The following MAF variants were observed in gnomAD, a reference collection of about 807,000 sequenced individuals.
The protein encoded by MAF is transcription factor Maf.
A neutral mutation model predicts 22.0 loss-of-function variants in MAF; 10 were observed. The observed-to-expected ratio is 0.45, with a 90% CI of 0.28 to 0.77. The LOEUF (loss-of-function observed/expected upper bound fraction) is 0.77, where lower values mean the gene tolerates loss of function less well. MAF is among the 30% of genes least tolerant of loss of function. The pLI is 0.12. For missense variants in MAF, 544 were observed against 548.4 expected (o/e 0.99, Z 0.08); for synonymous variants, 337 against 255.8 (o/e 1.32, Z -3.03).
the MAF span, among the ~76,000 whole-genome samples, chr16:79,262,678 T>C: frequency 6.6e-6 from 1 of 152,124 alleles, no homozygotes; most frequent in Non-Finnish European, 1.5e-5. Flanking sequence ...CAGTTCCTTC[T>C]GTAAGAGCAG....
chr16:79,223,789 A>C, the MAF span, among the ~76,000 whole-genome samples: 1 of 152,094 alleles, frequency 6.6e-6, no homozygotes, highest in Non-Finnish European at 1.5e-5. Flanking sequence ...GGACATATAC[A>C]CCCTCCCAAG....
the MAF span, among the ~76,000 whole-genome samples, chr16:79,360,507 A>G: frequency 6.6e-6 from 1 of 152,316 alleles, no homozygotes; most frequent in Non-Finnish European, 1.5e-5. Context: ...GCAGGTGATG[A>G]CACTACCTGT....
the MAF span, among the ~76,000 whole-genome samples, chr16:79,336,360 T>G: frequency 1.3e-5 from 2 of 152,202 alleles, no homozygotes; most frequent in African/African-American, 4.8e-5. Flanking sequence ...TTTAAGCAAC[T>G]TGCCCAAGGT....
the MAF span, among the ~76,000 whole-genome samples, chr16:79,500,786 A>C: frequency 2.6e-5 from 4 of 152,138 alleles, no homozygotes; most frequent in African/African-American, 4.8e-5. Flanking sequence ...TTCCTGCTGG[A>C]AACTTTGGGA....
At chr16:79,381,785 G>A in the MAF span, among the ~76,000 whole-genome samples, 1 of 152,196 alleles carries the variant, frequency 6.6e-6, no homozygotes, top group Non-Finnish European at 1.5e-5. Context: ...GACGGAGGTT[G>A]CCTTGGAGAA....
At chr16:79,506,820 T>G in the MAF span, among the ~76,000 whole-genome samples, 1 of 152,084 alleles carries the variant, frequency 6.6e-6, no homozygotes, top group Non-Finnish European at 1.5e-5. Context: ...AGACTCAAGA[T>G]GGGGCCAGGT....
At chr16:79,380,890 A>T in the MAF span, among the ~76,000 whole-genome samples, 2 of 152,252 alleles carry the variant, frequency 1.3e-5, no homozygotes, top group African/African-American at 4.8e-5. Context: ...GTTGTCTGCC[A>T]AATCTGGGAT....
chr16:79,520,286 T>C, the MAF span, among the ~76,000 whole-genome samples: 1 of 152,144 alleles, frequency 6.6e-6, no homozygotes, highest in African/African-American at 2.4e-5. Flanking sequence ...AGTAAAATGG[T>C]GAAGTTCTCA....
the MAF span, among the ~76,000 whole-genome samples, chr16:79,406,317 G>A: frequency 2.6e-5 from 4 of 152,180 alleles, no homozygotes; most frequent in Admixed American, 6.5e-5. Context: ...GGATTCACAT[G>A]GTTTCTTAGT....
At chr16:79,424,336 A>G in the MAF span, among the ~76,000 whole-genome samples, 2 of 152,220 alleles carry the variant, frequency 1.3e-5, no homozygotes, top group South Asian at 4.1e-4. Flanking sequence ...TTCGAATTCA[A>G]TACCACCGGC....
At chr16:79,518,876 G>C in the MAF span, among the ~76,000 whole-genome samples, 1 of 152,114 alleles carries the variant, frequency 6.6e-6, no homozygotes, top group African/African-American at 2.4e-5. Context: ...CATGAGCCAA[G>C]ATCATGCCAC....
Position 79,594,983 on chromosome 16 carries a change from A to G in MAF, c.1119-430T>C. 4.6e-6 allele frequency: 5 copies of G among 1,079,164 alleles called. No homozygotes were observed. In the South Asian group the frequency reaches 2.0e-4, roughly 44 times the overall value. The allele number at this position is 1,079,164 out of a possible 1,614,324, so 66.8% of individuals were successfully genotyped here. On this transcript the variant is annotated intron_variant, in intron 1 of 1. Coordinates refer to ENST00000326043, the MANE Select transcript of MAF (RefSeq NM_005360.5). ...CAATCCAGGCCTCATTTGTCATGAG[A>G]TAACTGCAATAACTACATCCAGAAT... is the stretch of plus-strand genomic sequence containing the variant.
chr16:79,426,632 A>G, the MAF span, among the ~76,000 whole-genome samples: 101,858 of 152,084 alleles, frequency 0.67, 35,144 homozygotes, highest in East Asian at 0.92. Context: ...GATTCCCCGA[A>G]CCAACATTGG....
chr16:79,216,972 G>C, the MAF span, among the ~76,000 whole-genome samples: 1 of 152,176 alleles, frequency 6.6e-6, no homozygotes, highest in Admixed American at 6.5e-5. Context: ...ACCATGCCTG[G>C]CTAATTTTTG....
At chr16:79,271,754 C>A in the MAF span, among the ~76,000 whole-genome samples, 4 of 152,238 alleles carry the variant, frequency 2.6e-5, no homozygotes, top group African/African-American at 9.6e-5. Context: ...CTTGAGACAT[C>A]TATCCAGGTT....
the MAF span, among the ~76,000 whole-genome samples, chr16:79,468,590 C>G: frequency 3.3e-5 from 5 of 152,224 alleles, no homozygotes; most frequent in Non-Finnish European, 7.3e-5. Context: ...CAGGGCAAAC[C>G]TGGCCTTAAC....
At chr16:79,277,866 T>G in the MAF span, among the ~76,000 whole-genome samples, 1 of 152,296 alleles carries the variant, frequency 6.6e-6, no homozygotes, top group African/African-American at 2.4e-5. Flanking sequence ...AGGCATTATA[T>G]CTGTGCCTCC....
chr16:79,250,784 T>C, the MAF span, among the ~76,000 whole-genome samples: 3 of 152,356 alleles, frequency 2.0e-5, no homozygotes, highest in South Asian at 6.2e-4. Flanking sequence ...AGCTTCGGTT[T>C]CCAGCTTGCT....
the MAF span, among the ~76,000 whole-genome samples, chr16:79,231,409 T>A: frequency 6.6e-6 from 1 of 152,174 alleles, no homozygotes; most frequent in East Asian, 1.9e-4. Context: ...AAGGATGTAG[T>A]CTAAATCACG....
Sources: allele counts gnomAD v4.1 joint callset (sites outside exome capture counted in the v4.1 genomes callset), GRCh38; gene constraint gnomAD v4.1.1; transcripts MANE v1.5; gene names NCBI Gene and HGNC (gene_info 2026-07-23, HGNC 2026-07-21).